Variants in ZNF695 observed in about 807,000 individuals in gnomAD.
The protein encoded by ZNF695 is zinc finger protein 695, also known as zinc finger protein SBZF3.
ZNF695 carries 11 observed loss-of-function variants against 11.2 expected under a neutral mutation model. That is an observed-to-expected ratio of 0.98 (90% CI 0.62 to 1.62). The LOEUF is 1.62. Among genes scored for constraint, ZNF695 ranks in the 40% most tolerant of loss-of-function variants. The probability of loss-of-function intolerance (pLI) is 0.00; values close to 1 mark genes in which losing one functional copy is unlikely to be tolerated. For synonymous variants in ZNF695, 190 were observed against 201.4 expected, an observed-to-expected ratio of 0.94 and a Z score of 0.48; for missense variants, 559 against 590.5, an observed-to-expected ratio of 0.95 and a Z score of 0.55.
At chr1:246,966,136 T>C (rs1206491979) in intron 5 of ZNF695, among the ~76,000 whole-genome samples, 1 of 151,882 alleles carries the variant, frequency 6.6e-6, no homozygotes. Context: ...ATACTTCAAC[T>C]GTGAAGGAAG....
At chr1:246,979,794 TA>T (rs1233659556) in intron 4 of ZNF695, 1 of 152,728 alleles carries the variant, frequency 6.5e-6, no homozygotes, top group African/African-American at 2.4e-5. Context: ...TTAATCTTTC[TA>T]AAAAAATTAA....
intron 3 of ZNF695, among the ~76,000 whole-genome samples, chr1:246,988,522 CAGGCCAGGAG>C (rs1200793200): frequency 6.6e-6 from 1 of 152,076 alleles, no homozygotes; most frequent in African/African-American, 2.4e-5. Context: ...GGAAAACTTA[CAGGCCAGGAG>C]AGAGTGGTAT....
At chr1:246,955,168 C>T (rs1241870092) in intron 5 of ZNF695, among the ~76,000 whole-genome samples, 1 of 152,154 alleles carries the variant, frequency 6.6e-6, no homozygotes, top group African/African-American at 2.4e-5. Context: ...GTGAGGCCTC[C>T]CCAGCCATGT....
chr1:246,958,712 T>C (rs1217265859), intron 5 of ZNF695, among the ~76,000 whole-genome samples: 1 of 152,140 alleles, frequency 6.6e-6, no homozygotes, highest in Non-Finnish European at 1.5e-5. Flanking sequence ...ACGCCTGGTG[T>C]GAATTTCTAA....
chr1:246,976,605 T>A (rs10737795), intron 4 of ZNF695, among the ~76,000 whole-genome samples: 129,765 of 150,830 alleles, frequency 0.86, 55,974 homozygotes, highest in East Asian at 0.99. Context: ...CCATCCTGGC[T>A]AACACGGTGA....
intron 5 of ZNF695, among the ~76,000 whole-genome samples, chr1:246,949,580 G>C (rs563064576): frequency 7.0e-6 from 1 of 142,198 alleles, no homozygotes; most frequent in African/African-American, 2.9e-5. Flanking sequence ...GACAGAGCAA[G>C]ACCCTGTCTC....
At chr1:246,976,562 A>G (rs552136667) in intron 4 of ZNF695, among the ~76,000 whole-genome samples, 51 of 152,026 alleles carry the variant, frequency 3.4e-4, no homozygotes, top group African/African-American at 1.2e-3. Flanking sequence ...TGGGAGGCCA[A>G]GGCGGGCAGA....
chr1:246,945,581 A>G (rs1667713867), downstream of ZNF695: 1 of 559,136 alleles, frequency 1.8e-6, no homozygotes, highest in Admixed American at 3.4e-5. Flanking sequence ...TCATGGAGTT[A>G]GGACAACCAA....
At chr1:247,004,155 G>A (rs953035545) in intron 1 of ZNF695, among the ~76,000 whole-genome samples, 2 of 152,160 alleles carry the variant, frequency 1.3e-5, no homozygotes, top group Non-Finnish European at 2.9e-5. Flanking sequence ...AGGTTGCAGT[G>A]AGCTGAGATT....
intron 5 of ZNF695, among the ~76,000 whole-genome samples, chr1:246,961,155 T>C (rs1490982457): frequency 3.3e-5 from 5 of 152,168 alleles, no homozygotes; most frequent in Non-Finnish European, 7.3e-5. Flanking sequence ...CATCAAATAA[T>C]GCATATGTAA....
intron 1 of ZNF695, among the ~76,000 whole-genome samples, chr1:247,003,398 T>C (rs1669445841): frequency 6.6e-6 from 1 of 152,168 alleles, no homozygotes; most frequent in Non-Finnish European, 1.5e-5. Context: ...AGCTAAATAT[T>C]GAGTAAACAT....
rs200143022 is a variant in ZNF695, at chr1:246,950,650, CAAAA to C, written c.489-4827_489-4824del. Among the ~76,000 whole-genome samples the C allele has an allele frequency of 3.6e-3, 377 of 105,382 alleles. 2 individuals carry two copies. Among genetic ancestry groups the C allele is most frequent in the African/African-American group, 0.015 (364 of 24,032 alleles). 69.1% of individuals were successfully genotyped at this position (105,382 alleles called of 152,430 possible). ...AGGGCAACAGAGCGAAACTCCGTTT[CAAAA>C]AAAAAAAAAAAAAAAAAAAAAAATC... On this transcript the variant is annotated intron_variant, in intron 5 of 5. Transcript: ENST00000487338.
intron 4 of ZNF695, among the ~76,000 whole-genome samples, chr1:246,973,522 A>G (rs1668481523): frequency 6.6e-6 from 1 of 152,198 alleles, no homozygotes; most frequent in African/African-American, 2.4e-5. Flanking sequence ...GTGAGTTGCT[A>G]TGTGGCTATG....
intron 5 of ZNF695, among the ~76,000 whole-genome samples, chr1:246,960,382 G>A (rs1185501157): frequency 6.6e-6 from 1 of 152,168 alleles, no homozygotes; most frequent in East Asian, 1.9e-4. Context: ...TATATAGAGT[G>A]TGGTTTCTTT....
chr1:246,947,047 G>A (rs1667752131), intron 5 of ZNF695, among the ~76,000 whole-genome samples: 1 of 151,372 alleles, frequency 6.6e-6, no homozygotes, highest in Non-Finnish European at 1.5e-5. Flanking sequence ...GGCTGAGGCA[G>A]GAGAATGGCA....
chr1:246,951,449 C>T (rs1055930947), intron 5 of ZNF695, among the ~76,000 whole-genome samples: 9 of 152,270 alleles, frequency 5.9e-5, no homozygotes, highest in African/African-American at 1.9e-4. Context: ...AGAAGCTGGG[C>T]GAGGCAAGGA....
At position 246,987,939 on chromosome 1, in the gene ZNF695, G is replaced by C. The variant is rs768667743; in HGVS notation, c.576C>G (p.Val192=). 4.3e-6 allele frequency: 7 copies of C among 1,611,642 alleles called. No individual in the cohort carries two copies. Among genetic ancestry groups the C allele is most frequent in the Non-Finnish European group, 5.1e-6 (6 of 1,179,236 alleles). ...GAGTCATTATTAAAGACATGCAAGA[G>C]ACATTGCCACATTCTTTGCATTTGA... ...KPFKCKECGN[V]SCMSLIMTQQ... The change falls in exon 4 of 4, where the codon GTC becomes GTG. Residue 192 remains valine, a synonymous_variant. Transcript: ENST00000339986.
intron 3 of ZNF695, among the ~76,000 whole-genome samples, chr1:246,995,048 G>A (rs915002698): frequency 9.9e-5 from 15 of 152,084 alleles, no homozygotes; most frequent in African/African-American, 3.1e-4. Context: ...CACAGGGAAC[G>A]GGGGACTTGA....
At position 246,987,288 on chromosome 1, in the gene ZNF695, T is replaced by C. The variant is rs368927347; in HGVS notation, c.1227A>G (p.Lys409=). The change falls in exon 4 of 4, where the codon AAA becomes AAG. Residue 409 remains lysine (K), a synonymous_variant. Coordinates refer to ENST00000339986, the MANE Select transcript of ZNF695 (RefSeq NM_020394.5). ...TAAAAGCTTTGCCACATTCCTCACATTTGTAGGGTTTCTGCCCAGTATGAA... is the reference window on the plus strand; with the variant it reads ...TAAAAGCTTTGCCACATTCCTCACACTTGTAGGGTTTCTGCCCAGTATGAA... The part of the protein sequence containing the change: ...KRIHTGQKPY[K]CEECGKAFTW... The C allele has an allele frequency of 1.3e-4, 210 of 1,613,612 alleles. No homozygotes were observed. The highest frequency in any genetic ancestry group is 1.7e-4 in the Non-Finnish European group (197 of 1,179,890).
Sources: allele counts gnomAD v4.1 joint callset (sites outside exome capture counted in the v4.1 genomes callset), GRCh38; gene constraint gnomAD v4.1.1; transcripts MANE v1.5; gene names NCBI Gene and HGNC (gene_info 2026-07-23, HGNC 2026-07-21).